The following KLF12 variants were observed in gnomAD, a reference collection of about 807,000 sequenced individuals.
The protein encoded by KLF12 is KLF transcription factor 12, also known as Krueppel-like factor 12.
KLF12 carries 9 observed loss-of-function variants against 37.8 expected under a neutral mutation model. The observed-to-expected ratio is 0.24, with a 90% CI of 0.14 to 0.42. The LOEUF is 0.42. Ranked by LOEUF, KLF12 falls within the 10% of genes least tolerant of loss-of-function variation. The pLI is 1.00. For missense variants in KLF12, 411 were observed against 516.0 expected (o/e 0.80, Z 1.97); for synonymous variants, 208 against 202.1 (o/e 1.03, Z -0.25).
chr13:74,010,208 A>G (rs1313410682), intron 1 of KLF12, among the ~76,000 whole-genome samples: 1 of 151,982 alleles, frequency 6.6e-6, no homozygotes, highest in Non-Finnish European at 1.5e-5. Context: ...CACCCAAAGC[A>G]CCAGGATTAC....
the KLF12 span, among the ~76,000 whole-genome samples, chr13:74,213,274 T>C: frequency 6.6e-6 from 1 of 152,126 alleles, no homozygotes; most frequent in African/African-American, 2.4e-5. Flanking sequence ...TAGTCGGTGG[T>C]ATTGGCTGTG....
intron 1 of KLF12, among the ~76,000 whole-genome samples, chr13:74,054,821 T>C (rs1370333240): frequency 6.6e-6 from 1 of 152,226 alleles, no homozygotes; most frequent in Non-Finnish European, 1.5e-5. Context: ...ATGTCTACGA[T>C]CTTAAGAAAA....
chr13:74,211,822 T>C, the KLF12 span, among the ~76,000 whole-genome samples: 22 of 152,196 alleles, frequency 1.4e-4, no homozygotes, highest in Admixed American at 1.1e-3. Context: ...AGTTGGTTTA[T>C]TAACCCAATT....
the KLF12 span, among the ~76,000 whole-genome samples, chr13:74,284,058 C>T: frequency 6.6e-6 from 1 of 151,896 alleles, no homozygotes; most frequent in Non-Finnish European, 1.5e-5. Context: ...GGAGTTTCAC[C>T]GTGTTAGCCA....
chr13:73,833,758 G>C (rs893397052), intron 4 of KLF12, among the ~76,000 whole-genome samples: 2 of 152,154 alleles, frequency 1.3e-5, no homozygotes, highest in Non-Finnish European at 2.9e-5. Context: ...TGGCTGGGAC[G>C]TGAGATGTAT....
intron 1 of KLF12, among the ~76,000 whole-genome samples, chr13:74,072,865 T>C (rs895071739): frequency 6.6e-6 from 1 of 152,202 alleles, no homozygotes. Flanking sequence ...AAGTAGCTAA[T>C]ATGACCATTG....
chr13:74,104,331 G>A (rs1171921163), intron 1 of KLF12, among the ~76,000 whole-genome samples: 2 of 152,166 alleles, frequency 1.3e-5, no homozygotes, highest in Admixed American at 6.5e-5. Flanking sequence ...TGTACAGCTC[G>A]ACATTTCTGC....
chr13:73,864,548 TAA>T (rs1886082247), intron 3 of KLF12, among the ~76,000 whole-genome samples: 1 of 152,090 alleles, frequency 6.6e-6, no homozygotes, highest in Admixed American at 6.5e-5. Flanking sequence ...TGCATATTTA[TAA>T]AAGACTGAAG....
intron 3 of KLF12, among the ~76,000 whole-genome samples, chr13:73,902,374 G>C (rs921891627): frequency 6.6e-6 from 1 of 152,140 alleles, no homozygotes; most frequent in Non-Finnish European, 1.5e-5. Context: ...TTGGCCTTTT[G>C]ACATAGGTTA....
At chr13:73,989,579 G>A (rs2138234075) in intron 2 of KLF12, among the ~76,000 whole-genome samples, 1 of 152,294 alleles carries the variant, frequency 6.6e-6, no homozygotes, top group African/African-American at 2.4e-5. Flanking sequence ...TCCAATGGAA[G>A]CAGAGCAGAC....
the KLF12 span, among the ~76,000 whole-genome samples, chr13:74,254,133 G>T: frequency 1.3e-5 from 2 of 152,114 alleles, no homozygotes; most frequent in Admixed American, 6.5e-5. Context: ...TATATGTCAT[G>T]CAGGATTGTG....
chr13:73,721,540 CTTT>C (rs1876256687), intron 6 of KLF12, among the ~76,000 whole-genome samples: 5 of 152,086 alleles, frequency 3.3e-5, no homozygotes, highest in African/African-American at 1.2e-4. Flanking sequence ...AAAGTATTTT[CTTT>C]TCTCTCCTTT....
chr13:73,848,582 C>T (rs1306971310), intron 3 of KLF12, among the ~76,000 whole-genome samples: 1 of 147,524 alleles, frequency 6.8e-6, no homozygotes, highest in East Asian at 2.0e-4. Flanking sequence ...ATATATATAG[C>T]ATATTATATA....
chr13:73,998,298 AC>A (rs1159312400), intron 1 of KLF12, among the ~76,000 whole-genome samples: 1 of 152,170 alleles, frequency 6.6e-6, no homozygotes, highest in Non-Finnish European at 1.5e-5. Context: ...AGTGTTTAAT[AC>A]ATTTTAAATG....
intron 4 of KLF12, among the ~76,000 whole-genome samples, chr13:73,818,609 C>A (rs1883360932): frequency 6.6e-6 from 1 of 152,242 alleles, no homozygotes; most frequent in Admixed American, 6.5e-5. Context: ...AGGAAAAGGA[C>A]ATTCTTCTAT....
chr13:73,759,681 G>A lies in KLF12; in HGVS notation c.869+5257C>T, dbSNP rs542396404. Among the ~76,000 whole-genome samples, 18 of 152,270 alleles carry A rather than the reference G, an allele frequency of 1.2e-4. No individual in the cohort carries two copies. In the South Asian group the frequency reaches 3.5e-3, roughly 30 times the overall value. On this transcript the variant is annotated intron_variant, in intron 6 of 7. Transcript: ENST00000377669. ...GGCCTGGATGAACAGGCACAGAGAG[G>A]CTTGGATTTATGCCTAGGTTTGGCA...
chr13:73,861,079 G>A (rs1486117187), intron 3 of KLF12, among the ~76,000 whole-genome samples: 2 of 152,102 alleles, frequency 1.3e-5, no homozygotes, highest in African/African-American at 2.4e-5. Flanking sequence ...GTAATAGGAA[G>A]TTAAAAAATA....
intron 3 of KLF12, among the ~76,000 whole-genome samples, chr13:73,868,963 T>C (rs986965109): frequency 6.6e-6 from 1 of 152,198 alleles, no homozygotes; most frequent in Admixed American, 6.5e-5. Flanking sequence ...TTTTAAAGGA[T>C]AATCATTACT....
chr13:74,230,055 T>C, the KLF12 span, among the ~76,000 whole-genome samples: 3 of 152,222 alleles, frequency 2.0e-5, no homozygotes, highest in Non-Finnish European at 4.4e-5. Context: ...ACACATGATA[T>C]GATTTGGCTG....
Sources: allele counts gnomAD v4.1 joint callset (sites outside exome capture counted in the v4.1 genomes callset), GRCh38; gene constraint gnomAD v4.1.1; transcripts MANE v1.5; gene names NCBI Gene and HGNC (gene_info 2026-07-23, HGNC 2026-07-21).